CACNA2D3: variants seen among roughly 807,000 people sequenced by gnomAD.
CACNA2D3 encodes voltage-dependent calcium channel subunit alpha-2/delta-3.
CACNA2D3 carries 60 observed loss-of-function variants against 160.6 expected under a neutral mutation model. That is an observed-to-expected ratio of 0.37 (90% CI 0.30 to 0.46). The LOEUF (loss-of-function observed/expected upper bound fraction) is 0.46, where lower values mean the gene tolerates loss of function less well. Ranked by LOEUF, CACNA2D3 falls within the 20% of genes least tolerant of loss-of-function variation. The probability of loss-of-function intolerance (pLI) is 1.00; values close to 1 mark genes in which losing one functional copy is unlikely to be tolerated. For missense variants in CACNA2D3, 1,205 were observed against 1,365.0 expected, an observed-to-expected ratio of 0.88 and a Z score of 1.85; for synonymous variants, 558 against 492.9, an observed-to-expected ratio of 1.13 and a Z score of -1.75.
intron 2 of CACNA2D3, among the ~76,000 whole-genome samples, chr3:54,264,991 A>G (rs994923911): frequency 4.6e-5 from 7 of 152,190 alleles, no homozygotes; most frequent in African/African-American, 1.7e-4. Flanking sequence ...TCATTGATGG[A>G]CATTTGGATT....
chr3:54,754,255 A>G (rs138760908), intron 12 of CACNA2D3, among the ~76,000 whole-genome samples: 1 of 152,356 alleles, frequency 6.6e-6, no homozygotes, highest in East Asian at 1.9e-4. Context: ...TAGCAAGTTA[A>G]TAGGGAGGAG....
At chr3:54,992,383 A>C (rs1032568203) in intron 31 of CACNA2D3, among the ~76,000 whole-genome samples, 1 of 152,182 alleles carries the variant, frequency 6.6e-6, no homozygotes, top group Non-Finnish European at 1.5e-5. Context: ...ATACATGCCT[A>C]CAGCCCACCC....
intron 2 of CACNA2D3, among the ~76,000 whole-genome samples, chr3:54,251,605 A>G (rs1702191133): frequency 6.6e-6 from 1 of 152,220 alleles, no homozygotes; most frequent in Non-Finnish European, 1.5e-5. Context: ...GGGCTCTAGG[A>G]GCCTTCTCCT....
intron 2 of CACNA2D3, among the ~76,000 whole-genome samples, chr3:54,234,121 A>C (rs1049036188): frequency 3.3e-5 from 5 of 152,210 alleles, no homozygotes; most frequent in African/African-American, 1.2e-4. Flanking sequence ...CATCTGACAA[A>C]AGTCTAATAT....
intron 27 of CACNA2D3, among the ~76,000 whole-genome samples, chr3:54,939,772 C>T (rs1435156066): frequency 6.6e-6 from 1 of 152,238 alleles, no homozygotes; most frequent in Non-Finnish European, 1.5e-5. Context: ...GATCTATAGA[C>T]CAGTAGCGGG....
intron 36 of CACNA2D3, 108 bp from the exon 37 acceptor site, chr3:55,073,669 T>G (rs2107237577): frequency 1.6e-6 from 2 of 1,238,562 alleles, no homozygotes; most frequent in Non-Finnish European, 1.2e-6. Flanking sequence ...TCCTTTCCAC[T>G]GTTGGAGAGA....
At chr3:54,208,209 G>A (rs1346353090) in intron 2 of CACNA2D3, among the ~76,000 whole-genome samples, 1 of 152,118 alleles carries the variant, frequency 6.6e-6, no homozygotes, top group Non-Finnish European at 1.5e-5. Context: ...GGGTTCAAGT[G>A]ATTCTCCTGC....
At position 54,927,222 on chromosome 3, in the gene CACNA2D3, A is replaced by G. The variant is rs138285558; in HGVS notation, c.2449+27354A>G. On this transcript the variant is annotated intron_variant, in intron 27 of 37. Coordinates refer to ENST00000474759, the MANE Select transcript of CACNA2D3 (RefSeq NM_018398.3). ...TTCCCCTTTCTTCCTTAAATTCTCT[A>G]CTGAGGCTAACAGTGCTCTAGGGCA... Among the ~76,000 whole-genome samples, 425 of 152,224 alleles carry G rather than the reference A, an allele frequency of 2.8e-3. 2 individuals carry two copies. The highest frequency in any genetic ancestry group is 9.8e-3 in the African/African-American group (409 of 41,542).
At chr3:54,588,570 A>C (rs1702804420) in intron 9 of CACNA2D3, among the ~76,000 whole-genome samples, 1 of 151,604 alleles carries the variant, frequency 6.6e-6, no homozygotes, top group African/African-American at 2.4e-5. Context: ...TACACACAAA[A>C]AAATTTCCTA....
intron 3 of CACNA2D3, among the ~76,000 whole-genome samples, chr3:54,353,608 T>G (rs1698601833): frequency 6.6e-6 from 1 of 152,118 alleles, no homozygotes; most frequent in Admixed American, 6.5e-5. Context: ...CCCAACTCTT[T>G]CCCAGCCATG....
chr3:54,778,679 T>C (rs1702470341), intron 13 of CACNA2D3, among the ~76,000 whole-genome samples: 1 of 152,212 alleles, frequency 6.6e-6, no homozygotes, highest in Non-Finnish European at 1.5e-5. Flanking sequence ...GCATCCTCAA[T>C]ATATGATCAG....
chr3:54,962,219 A>G (rs1702047352), intron 27 of CACNA2D3, among the ~76,000 whole-genome samples: 1 of 152,200 alleles, frequency 6.6e-6, no homozygotes, highest in South Asian at 2.1e-4. Context: ...ACCATAGCAC[A>G]GGTTTTGAAT....
chr3:54,833,170 T>A (rs1703914839), intron 14 of CACNA2D3, among the ~76,000 whole-genome samples: 1 of 152,228 alleles, frequency 6.6e-6, no homozygotes, highest in African/African-American at 2.4e-5. Context: ...CATCATTTCC[T>A]TTGATACCCA....
chr3:55,020,902 T>TA (rs1306964660), intron 35 of CACNA2D3, among the ~76,000 whole-genome samples: 3 of 152,168 alleles, frequency 2.0e-5, no homozygotes, highest in Non-Finnish European at 4.4e-5. Context: ...TCAATTTACT[T>TA]ACACCATGAA....
chr3:54,955,325 C>T (rs1031236543), intron 27 of CACNA2D3, among the ~76,000 whole-genome samples: 4 of 152,126 alleles, frequency 2.6e-5, no homozygotes, highest in Non-Finnish European at 5.9e-5. Flanking sequence ...TGAAGCTACT[C>T]TCAGAAGAAC....
rs1299477303 is a variant in CACNA2D3 at position 55,074,390 on chromosome 3, C to G, written c.*184C>G. Reference sequence around the variant, plus strand: ...TAAAGATATGTTGACAAAAAGTTATCTATCATCTTTTTACTTTGCCAGTCA... The same window carrying G: ...TAAAGATATGTTGACAAAAAGTTATGTATCATCTTTTTACTTTGCCAGTCA... On this transcript the variant is annotated 3_prime_UTR_variant, in exon 38 of 38. Coordinates refer to ENST00000474759, the MANE Select transcript of CACNA2D3 (RefSeq NM_018398.3). The G allele has an allele frequency of 1.0e-5, 5 of 497,408 alleles. No homozygotes were observed. The African/African-American group carries it at 1.2e-4, about 12-fold the overall frequency. 30.8% of individuals were successfully genotyped at this position (497,408 alleles called of 1,614,324 possible).
intron 10 of CACNA2D3, among the ~76,000 whole-genome samples, chr3:54,629,639 A>G (rs966379447): frequency 6.6e-6 from 1 of 152,198 alleles, no homozygotes; most frequent in Non-Finnish European, 1.5e-5. Flanking sequence ...TTGACAGCAA[A>G]GTAATAGTTT....
intron 2 of CACNA2D3, among the ~76,000 whole-genome samples, chr3:54,158,775 G>A (rs1321183299): frequency 6.6e-6 from 1 of 152,166 alleles, no homozygotes; most frequent in Non-Finnish European, 1.5e-5. Flanking sequence ...GAAGCTTCAT[G>A]TCAGACCTGC....
intron 17 of CACNA2D3, among the ~76,000 whole-genome samples, chr3:54,849,317 C>T (rs776477517): frequency 3.9e-5 from 6 of 152,174 alleles, no homozygotes; most frequent in Admixed American, 6.5e-5. Flanking sequence ...CATGAATACC[C>T]GTGGCTCTGG....
Sources: gnomAD v4.1 joint callset for allele counts (sites outside exome capture counted in the v4.1 genomes callset) on GRCh38, gnomAD v4.1.1 for gene constraint, MANE v1.5 for transcripts, NCBI Gene and HGNC (gene_info 2026-07-23, HGNC 2026-07-21) for gene names.